Variants in SEMA6D observed in about 807,000 individuals in gnomAD.
SEMA6D encodes the protein semaphorin-6D.
In SEMA6D, 35 loss-of-function variants were observed where a neutral mutation model predicts 106.6. That is an observed-to-expected ratio of 0.33 (90% CI 0.25 to 0.44). The LOEUF (loss-of-function observed/expected upper bound fraction) is 0.44. SEMA6D is among the 20% of genes least tolerant of loss of function. The pLI is 1.00. For missense variants in SEMA6D, 1,185 were observed against 1,345.9 expected (o/e 0.88, Z 1.87); for synonymous variants, 499 against 487.7 (o/e 1.02, Z -0.31).
At chr15:47,314,899 T>C (rs1246395558) in intron 1 of SEMA6D, among the ~76,000 whole-genome samples, 2 of 115,690 alleles carry the variant, frequency 1.7e-5, no homozygotes, top group Non-Finnish European at 1.6e-5. Context: ...GGAGTCTCGC[T>C]CTGTGGCCCA....
intron 1 of SEMA6D, among the ~76,000 whole-genome samples, chr15:47,264,783 T>A (rs2034240021): frequency 6.6e-6 from 1 of 152,116 alleles, no homozygotes; most frequent in African/African-American, 2.4e-5. Context: ...TCTCTTCTAT[T>A]CCTAGTTTGT....
At chr15:47,312,290 T>C (rs934694783) in intron 1 of SEMA6D, among the ~76,000 whole-genome samples, 1 of 152,302 alleles carries the variant, frequency 6.6e-6, no homozygotes, top group African/African-American at 2.4e-5. Flanking sequence ...CCTAAAACAG[T>C]GTTCTCACTC....
chr15:47,673,949 C>T (rs1310717954), intron 4 of SEMA6D, among the ~76,000 whole-genome samples: 1 of 152,164 alleles, frequency 6.6e-6, no homozygotes, highest in Non-Finnish European at 1.5e-5. Context: ...GTCTTGACAC[C>T]TCTGCTTCTT....
chr15:47,386,266 G>C (rs1053674256), intron 1 of SEMA6D, among the ~76,000 whole-genome samples: 7 of 152,050 alleles, frequency 4.6e-5, no homozygotes, highest in African/African-American at 1.2e-4. Flanking sequence ...TCCAACTGGG[G>C]GTAGGGACTT....
At position 47,389,803 on chromosome 15, in the gene SEMA6D, G is replaced by A. The variant is rs544700799; in HGVS notation, c.-238-22590G>A. Among the ~76,000 whole-genome samples, 28 of 152,266 alleles carry A rather than the reference G, an allele frequency of 1.8e-4. No homozygotes were observed. The East Asian group carries it at 2.5e-3, about 14-fold the overall frequency. Reference sequence around the variant, plus strand: ...CTCTGTGTATGTAACTCATTAGTGAGTATTATTAGTTCTGCCTCCAAGATT... The same window carrying A: ...CTCTGTGTATGTAACTCATTAGTGAATATTATTAGTTCTGCCTCCAAGATT... On this transcript the variant is annotated intron_variant, in intron 1 of 19. Transcript: ENST00000558014.
intron 4 of SEMA6D, among the ~76,000 whole-genome samples, chr15:47,661,727 G>T (rs900261631): frequency 6.6e-6 from 1 of 152,192 alleles, no homozygotes; most frequent in African/African-American, 2.4e-5. Flanking sequence ...GCAAAACCGC[G>T]TTGCCTAGTT....
chr15:47,235,597 T>C (rs2032488876), intron 1 of SEMA6D, among the ~76,000 whole-genome samples: 1 of 152,238 alleles, frequency 6.6e-6, no homozygotes, highest in Admixed American at 6.5e-5. Flanking sequence ...GATTTATGTT[T>C]TCCTATGCTT....
chr15:47,471,930 C>G (rs997974460), intron 3 of SEMA6D, among the ~76,000 whole-genome samples: 95 of 123,068 alleles, frequency 7.7e-4, no homozygotes, highest in African/African-American at 3.7e-3. Context: ...CTCTCTCTCT[C>G]TCACACACAC....
chr15:47,642,440 G>GCA (rs139789990), intron 4 of SEMA6D, among the ~76,000 whole-genome samples: 4,200 of 151,064 alleles, frequency 0.028, 93 homozygotes, highest in African/African-American at 0.06. Flanking sequence ...AGAAACAGAT[G>GCA]CACACACACA....
intron 1 of SEMA6D, among the ~76,000 whole-genome samples, chr15:47,205,202 TTTTG>T (rs1894974609): frequency 1.3e-5 from 2 of 152,164 alleles, no homozygotes; most frequent in African/African-American, 2.4e-5. Flanking sequence ...ACCTAGTATA[TTTTG>T]TTGAAAGTAT....
chr15:47,390,485 G>T (rs1213493914), intron 1 of SEMA6D, among the ~76,000 whole-genome samples: 2 of 152,104 alleles, frequency 1.3e-5, no homozygotes, highest in African/African-American at 4.8e-5. Flanking sequence ...AGGAAAGAGG[G>T]AGTGAATATT....
intron 1 of SEMA6D, chr15:47,397,415 T>A (rs999051863): frequency 1.3e-5 from 2 of 152,198 alleles, no homozygotes; most frequent in Non-Finnish European, 2.9e-5. Flanking sequence ...TTGACTCTTT[T>A]TTTTTGCAGT....
At chr15:47,265,020 C>T (rs2034253204) in intron 1 of SEMA6D, among the ~76,000 whole-genome samples, 1 of 151,910 alleles carries the variant, frequency 6.6e-6, no homozygotes, top group African/African-American at 2.4e-5. Context: ...TTGCTAGAAT[C>T]TTCTTGAGGA....
At chr15:47,655,628 G>A (rs1345943262) in intron 4 of SEMA6D, among the ~76,000 whole-genome samples, 1 of 152,132 alleles carries the variant, frequency 6.6e-6, no homozygotes, top group East Asian at 1.9e-4. Flanking sequence ...TAGAAAACAT[G>A]TGGGAAGAGC....
chr15:47,638,853 C>G (rs1420639638), intron 4 of SEMA6D, among the ~76,000 whole-genome samples: 1 of 152,218 alleles, frequency 6.6e-6, no homozygotes, highest in African/African-American at 2.4e-5. Context: ...ATCAGGTTGG[C>G]TGGCTGTTTG....
chr15:47,480,250 TA>T (rs2043117964), intron 3 of SEMA6D, among the ~76,000 whole-genome samples: 3 of 152,126 alleles, frequency 2.0e-5, no homozygotes, highest in African/African-American at 4.8e-5. Context: ...TCCCCAATTT[TA>T]TCTCTTCTAT....
At chr15:47,226,882 C>A (rs8034147) in intron 1 of SEMA6D, among the ~76,000 whole-genome samples, 1 of 151,810 alleles carries the variant, frequency 6.6e-6, no homozygotes, top group African/African-American at 2.4e-5. Flanking sequence ...TCAGATATTA[C>A]GCCAGCTTCT....
intron 13 of SEMA6D, chr15:47,765,567 T>A: frequency 1.7e-6 from 1 of 601,384 alleles, no homozygotes; most frequent in African/African-American, 1.9e-5. Context: ...ACAGGAAAAT[T>A]TATATGCATT....
intron 1 of SEMA6D, among the ~76,000 whole-genome samples, chr15:47,359,025 A>G (rs1272730605): frequency 2.6e-5 from 4 of 151,896 alleles, no homozygotes; most frequent in African/African-American, 4.8e-5. Context: ...CTGCTGTACT[A>G]TCTTTTATGA....
Sources: allele counts gnomAD v4.1 joint callset (sites outside exome capture counted in the v4.1 genomes callset), GRCh38; gene constraint gnomAD v4.1.1; transcripts MANE v1.5; gene names NCBI Gene and HGNC (gene_info 2026-07-23, HGNC 2026-07-21).